Variants in SNRPD1 observed in about 807,000 individuals in gnomAD.
SNRPD1 encodes small nuclear ribonucleoprotein D1 polypeptide.
In SNRPD1, 1 loss-of-function variant was observed where a neutral mutation model predicts 14.4. The observed-to-expected ratio is 0.07, with a 90% confidence interval of 0.02 to 0.33. The LOEUF (loss-of-function observed/expected upper bound fraction) is 0.33. Among genes scored for constraint, SNRPD1 ranks in the 10% least tolerant of loss-of-function variants. The pLI, the probability that SNRPD1 is intolerant of heterozygous loss-of-function variation, is 1.00. For synonymous variants in SNRPD1, 42 were observed against 50.3 expected, an observed-to-expected ratio of 0.83 and a Z score of 0.70; for missense variants, 52 against 146.4, an observed-to-expected ratio of 0.36 and a Z score of 3.33.
chr18:21,626,539 C>T (rs2039040566), intron 3 of SNRPD1, among the ~76,000 whole-genome samples: 1 of 151,916 alleles, frequency 6.6e-6, no homozygotes, highest in Non-Finnish European at 1.5e-5. Context: ...GCCTGTAATC[C>T]CAGCACTTTC....
intron 3 of SNRPD1, 59 bp from the exon 4 acceptor site, chr18:21,629,003 G>A: frequency 1.6e-6 from 2 of 1,265,820 alleles, no homozygotes; most frequent in South Asian, 1.2e-5. Flanking sequence ...TGTTTGTGGT[G>A]TCTAGGTAAC....
intron 1 of SNRPD1, among the ~76,000 whole-genome samples, chr18:21,613,752 G>C (rs1208985543): frequency 1.3e-5 from 2 of 151,038 alleles, no homozygotes; most frequent in African/African-American, 2.4e-5. Context: ...CTACTCAGGA[G>C]GCTGAGGCAG....
intron 3 of SNRPD1, among the ~76,000 whole-genome samples, chr18:21,628,008 T>G (rs2039053584): frequency 6.6e-6 from 1 of 152,152 alleles, no homozygotes; most frequent in East Asian, 1.9e-4. Flanking sequence ...GCCAGTTATT[T>G]TGTGAAATGT....
chr18:21,622,922 T>C (rs2039008941), intron 2 of SNRPD1, 121 bp downstream of exon 2: 1 of 523,028 alleles, frequency 1.9e-6, no homozygotes, highest in Non-Finnish European at 3.4e-6. Context: ...TTTGTCTGAA[T>C]TATGTAATTT....
chr18:21,614,053 G>A (rs1164390272), intron 1 of SNRPD1, among the ~76,000 whole-genome samples: 1 of 151,756 alleles, frequency 6.6e-6, no homozygotes, highest in Non-Finnish European at 1.5e-5. Context: ...CAGGCGGATC[G>A]CCTGAGGTCA....
intron 3 of SNRPD1, among the ~76,000 whole-genome samples, chr18:21,628,491 G>T (rs1020586968): frequency 7.2e-5 from 11 of 152,156 alleles, no homozygotes; most frequent in African/African-American, 2.7e-4. Flanking sequence ...CTATCACCAT[G>T]ATACTCAACT....
chr18:21,624,063 T>C, intron 3 of SNRPD1, 124 bp downstream of exon 3: 1 of 650,760 alleles, frequency 1.5e-6, no homozygotes, highest in Non-Finnish European at 2.6e-6. Context: ...ATAGTATGTA[T>C]AGTAATTCTT....
chr18:21,624,584 G>A (rs986851563), intron 3 of SNRPD1, among the ~76,000 whole-genome samples: 5 of 151,588 alleles, frequency 3.3e-5, no homozygotes, highest in African/African-American at 7.3e-5. Context: ...CCAGTTACTC[G>A]GGAGGTTGAG....
chr18:21,616,131 G>A lies in SNRPD1; in HGVS notation c.14+3688G>A, dbSNP rs1022049097. Among the ~76,000 whole-genome samples, 4 of 151,848 alleles carry A rather than the reference G, an allele frequency of 2.6e-5. No individual in the cohort carries two copies. The East Asian group carries it at 5.8e-4, about 22-fold the overall frequency. On this transcript the variant is annotated intron_variant, in intron 1 of 3. Transcript: ENST00000300413. ...CTCCCGAGTAGCTGGGACTACAGGCGCCTGCCACCACGCCCGGCTAATTTT... is the reference window on the plus strand; with the variant it reads ...CTCCCGAGTAGCTGGGACTACAGGCACCTGCCACCACGCCCGGCTAATTTT...
At chr18:21,623,231 A>G (rs927591684) in intron 2 of SNRPD1, among the ~76,000 whole-genome samples, 3 of 152,206 alleles carry the variant, frequency 2.0e-5, no homozygotes, top group African/African-American at 7.2e-5. Flanking sequence ...AGCTGGGGTT[A>G]TGGGTGCGTG....
chr18:21,613,198 CAGTT>C (rs2038932018), intron 1 of SNRPD1, among the ~76,000 whole-genome samples: 1 of 152,178 alleles, frequency 6.6e-6, no homozygotes, highest in African/African-American at 2.4e-5. Context: ...TAGACCCTGT[CAGTT>C]AGGTGAGTCT....
rs1214440889 is a variant in SNRPD1 at position 21,632,587 on chromosome 18, G to T, written c.*3449G>T. On this transcript the variant is annotated 3_prime_UTR_variant, in exon 4 of 4. Transcript: ENST00000300413. ...CTAGATTGAGTTTATTCCACTAGAG[G>T]TCATTATTTCATTTCCATGTGAAAG... is the stretch of plus-strand genomic sequence containing the variant. The T allele has an allele frequency of 2.6e-5, 4 of 152,072 alleles. No homozygotes were observed. Among genetic ancestry groups the T allele is most frequent in the African/African-American group, 9.7e-5 (4 of 41,402 alleles). The allele number at this position is 152,072 out of a possible 1,614,324, so 9.4% of individuals were successfully genotyped here. A position where few individuals can be genotyped will look rare whatever the true frequency, so the allele number is the denominator to read the frequency against.
chr18:21,614,849 C>T (rs2146255368), intron 1 of SNRPD1, among the ~76,000 whole-genome samples: 1 of 152,276 alleles, frequency 6.6e-6, no homozygotes, highest in African/African-American at 2.4e-5. Flanking sequence ...CATTTGGTTC[C>T]TGGGCTCAGT....
chr18:21,629,316 T>C lies in SNRPD1; in HGVS notation c.*178T>C, dbSNP rs2039063119. Reference sequence around the variant, plus strand: ...TACCACAGTGAGAGCTAAGCATTTCTACTGGGCAGTTTCATTTTTAGTTGA... The same window carrying C: ...TACCACAGTGAGAGCTAAGCATTTCCACTGGGCAGTTTCATTTTTAGTTGA... On this transcript the variant is annotated 3_prime_UTR_variant, in exon 4 of 4. Coordinates refer to ENST00000300413, the MANE Select transcript of SNRPD1 (RefSeq NM_006938.4). 7 of 523,882 alleles carry C rather than the reference T, an allele frequency of 1.3e-5. No individual in the cohort carries two copies. In the South Asian group the frequency reaches 1.9e-4, roughly 14 times the overall value. 32.5% of individuals were successfully genotyped at this position (523,882 alleles called of 1,614,324 possible). A position where few individuals can be genotyped will look rare whatever the true frequency, so the allele number is the denominator to read the frequency against.
chr18:21,627,197 A>C (rs984391675), intron 3 of SNRPD1, among the ~76,000 whole-genome samples: 7 of 152,002 alleles, frequency 4.6e-5, no homozygotes, highest in African/African-American at 1.7e-4. Flanking sequence ...TGAACCCGAG[A>C]GGCGGAGATT....
chr18:21,625,316 A>ATTT (rs144395165), intron 3 of SNRPD1, among the ~76,000 whole-genome samples: 2 of 109,102 alleles, frequency 1.8e-5, no homozygotes, highest in African/African-American at 1.0e-4. Flanking sequence ...GTTGAAAAAA[A>ATTT]TTTTTTTTTT....
Position 21,622,812 on chromosome 18 carries a change from T to C in SNRPD1, c.91+11T>C. 2 of 1,436,990 alleles carry C rather than the reference T, an allele frequency of 1.4e-6. No homozygotes were observed. The highest frequency in any genetic ancestry group is 2.4e-5 in the South Asian group (2 of 84,850). 89.0% of individuals were successfully genotyped at this position (1,436,990 alleles called of 1,614,324 possible). On this transcript the variant is annotated intron_variant, in intron 2 of 3. Transcript: ENST00000300413. ...ATGGAACAATCACAGGTACGGAGGT[T>C]GGACTGCTTTTATAACATTTTTTTT...
At chr18:21,628,756 ATT>A (rs749765994) in intron 3 of SNRPD1, among the ~76,000 whole-genome samples, 9 of 152,178 alleles carry the variant, frequency 5.9e-5, no homozygotes, top group South Asian at 4.1e-4. Context: ...TTTATGGTGA[ATT>A]TGAGACATGA....
intron 1 of SNRPD1, among the ~76,000 whole-genome samples, chr18:21,620,315 G>A (rs952621566): frequency 1.3e-5 from 2 of 152,040 alleles, no homozygotes; most frequent in South Asian, 4.2e-4. Flanking sequence ...TGACCAGGCA[G>A]GTCTCGAACT....
Sources: gnomAD v4.1 joint callset for allele counts (sites outside exome capture counted in the v4.1 genomes callset) on GRCh38, gnomAD v4.1.1 for gene constraint, MANE v1.5 for transcripts, NCBI Gene and HGNC (gene_info 2026-07-23, HGNC 2026-07-21) for gene names.